Variants in GRM3 observed in about 807,000 individuals in gnomAD.
The protein encoded by GRM3 is metabotropic glutamate receptor 3.
A neutral mutation model predicts 70.5 loss-of-function variants in GRM3; 26 were observed. The observed-to-expected ratio is 0.37, with a 90% CI of 0.27 to 0.51. The LOEUF is 0.51. GRM3 is among the 20% of genes least tolerant of loss of function. The pLI, the probability that GRM3 is intolerant of heterozygous loss-of-function variation, is 0.93. For synonymous variants in GRM3, 443 were observed against 434.9 expected, an observed-to-expected ratio of 1.02 and a Z score of -0.23; for missense variants, 859 against 1,123.8, an observed-to-expected ratio of 0.76 and a Z score of 3.37.
intron 3 of GRM3, among the ~76,000 whole-genome samples, chr7:86,796,070 G>C (rs575037426): frequency 6.4e-4 from 98 of 152,258 alleles, no homozygotes; most frequent in African/African-American, 2.2e-3. Flanking sequence ...AGTTTAATTA[G>C]ATCTCATTTG....
intron 1 of GRM3, among the ~76,000 whole-genome samples, chr7:86,723,715 A>G (rs1373365849): frequency 6.6e-6 from 1 of 152,158 alleles, no homozygotes; most frequent in Non-Finnish European, 1.5e-5. Flanking sequence ...AAAACTGATT[A>G]CAAAATGTCA....
intron 1 of GRM3, among the ~76,000 whole-genome samples, chr7:86,761,630 C>A (rs1384084819): frequency 6.6e-6 from 1 of 152,110 alleles, no homozygotes; most frequent in Non-Finnish European, 1.5e-5. Flanking sequence ...TCGTTGAATT[C>A]TTTTACTATA....
chr7:86,799,057 G>A (rs183387677), intron 3 of GRM3, among the ~76,000 whole-genome samples: 1 of 152,286 alleles, frequency 6.6e-6, no homozygotes, highest in African/African-American at 2.4e-5. Flanking sequence ...ACTCCTTGAA[G>A]AGGTCCTTCA....
chr7:86,743,467 T>C (rs995414012), intron 1 of GRM3, among the ~76,000 whole-genome samples: 1 of 152,132 alleles, frequency 6.6e-6, no homozygotes, highest in African/African-American at 2.4e-5. Context: ...CCTTTCTATT[T>C]TAAAACATTT....
intron 1 of GRM3, among the ~76,000 whole-genome samples, chr7:86,760,173 T>C (rs1796443921): frequency 1.3e-5 from 2 of 152,132 alleles, no homozygotes; most frequent in Admixed American, 6.6e-5. Context: ...CCCTTTCCTT[T>C]CCCTGGATAA....
chr7:86,659,738 A>G (rs1207042691), intron 1 of GRM3, among the ~76,000 whole-genome samples: 1 of 152,022 alleles, frequency 6.6e-6, no homozygotes, highest in East Asian at 1.9e-4. Flanking sequence ...TTATTTTAAC[A>G]TAAAATCCTC....
chr7:86,668,889 G>C (rs1794100886), intron 1 of GRM3, among the ~76,000 whole-genome samples: 2 of 152,138 alleles, frequency 1.3e-5, no homozygotes, highest in African/African-American at 4.8e-5. Context: ...GATTTCCCTT[G>C]AGCGTGAAAT....
chr7:86,775,761 C>T (rs1203297073), intron 2 of GRM3, among the ~76,000 whole-genome samples: 1 of 152,026 alleles, frequency 6.6e-6, no homozygotes, highest in Admixed American at 6.6e-5. Context: ...TTTCTCATCT[C>T]TGTCTTTGTG....
chr7:86,701,078 A>C (rs1794936906), intron 1 of GRM3, among the ~76,000 whole-genome samples: 1 of 151,986 alleles, frequency 6.6e-6, no homozygotes, highest in Non-Finnish European at 1.5e-5. Context: ...ATCCAGAATT[A>C]AACTGGAAAA....
intron 3 of GRM3, among the ~76,000 whole-genome samples, chr7:86,834,241 T>C (rs1042200521): frequency 3.3e-5 from 5 of 152,210 alleles, no homozygotes; most frequent in African/African-American, 1.2e-4. Flanking sequence ...TCTTCACTGG[T>C]GTTCACTTTG....
rs370363115 is a variant in GRM3 at position 86,765,625 on chromosome 7, T to A, written c.468+12T>A. 1.9e-6 allele frequency: 3 copies of A among 1,603,778 alleles called. No individual in the cohort carries two copies. Among genetic ancestry groups the A allele is most frequent in the South Asian group, 2.2e-5 (2 of 90,716 alleles). The stretch of plus-strand genomic sequence containing the variant: ...GTGTTTCCATACAGGTAAGATTGGC[T>A]AATGCTATTGCTAAAAGGCTGTATC... On this transcript the variant is annotated intron_variant, in intron 2 of 5. Coordinates refer to ENST00000361669, the MANE Select transcript of GRM3 (RefSeq NM_000840.3).
chr7:86,744,474 C>T (rs932573353), intron 1 of GRM3, among the ~76,000 whole-genome samples: 3 of 151,556 alleles, frequency 2.0e-5, no homozygotes, highest in African/African-American at 4.8e-5. Context: ...AAGACTAGGC[C>T]CCACCAAGAG....
intron 4 of GRM3, among the ~76,000 whole-genome samples, chr7:86,842,578 G>A (rs910869872): frequency 3.3e-5 from 5 of 152,136 alleles, no homozygotes; most frequent in African/African-American, 1.2e-4. Flanking sequence ...AAATTTCCCA[G>A]AGGAAAATCG....
intron 1 of GRM3, among the ~76,000 whole-genome samples, chr7:86,683,591 A>G (rs542246043): frequency 6.6e-6 from 1 of 152,256 alleles, no homozygotes; most frequent in Admixed American, 6.5e-5. Context: ...ATCCAGAGAG[A>G]TTGAAAGTAG....
At chr7:86,756,885 TTCTA>T (rs1256662820) in intron 1 of GRM3, among the ~76,000 whole-genome samples, 1 of 152,182 alleles carries the variant, frequency 6.6e-6, no homozygotes, top group African/African-American at 2.4e-5. Context: ...TGAATTTCTT[TTCTA>T]TCTTTTTTCT....
At chr7:86,662,167 TA>T (rs1218563941) in intron 1 of GRM3, among the ~76,000 whole-genome samples, 4 of 151,946 alleles carry the variant, frequency 2.6e-5, no homozygotes, top group African/African-American at 4.8e-5. Context: ...CTATTTCATG[TA>T]TTTTTTTAAG....
intron 3 of GRM3, among the ~76,000 whole-genome samples, chr7:86,827,405 A>G (rs1270902161): frequency 6.6e-6 from 1 of 152,206 alleles, no homozygotes; most frequent in East Asian, 1.9e-4. Context: ...ATTTATGTTT[A>G]TTGGACAAAA....
intron 1 of GRM3, among the ~76,000 whole-genome samples, chr7:86,727,369 C>A (rs887185394): frequency 1.4e-4 from 22 of 152,158 alleles, no homozygotes; most frequent in African/African-American, 4.8e-4. Flanking sequence ...CTCTGGTTAA[C>A]TCCCAAATCC....
At chr7:86,712,409 AATT>A (rs1169568894) in intron 1 of GRM3, among the ~76,000 whole-genome samples, 38 of 152,060 alleles carry the variant, frequency 2.5e-4, no homozygotes, top group African/African-American at 8.9e-4. Flanking sequence ...GAGATAATTT[AATT>A]CATTCAAATA....
Sources: allele counts gnomAD v4.1 joint callset (sites outside exome capture counted in the v4.1 genomes callset), GRCh38; gene constraint gnomAD v4.1.1; transcripts MANE v1.5; gene names NCBI Gene and HGNC (gene_info 2026-07-23, HGNC 2026-07-21).